TTC6: variants seen among roughly 807,000 people sequenced by gnomAD.
TTC6 encodes the protein tetratricopeptide repeat protein 6.
In TTC6, 172 loss-of-function variants were observed where a neutral mutation model predicts 210.4. The observed-to-expected ratio is 0.82, with a 90% CI of 0.72 to 0.93. The LOEUF (loss-of-function observed/expected upper bound fraction) is 0.93, where lower values mean the gene tolerates loss of function less well. Ranked by LOEUF, TTC6 falls within the 40% of genes least tolerant of loss-of-function variation. The pLI is 0.00. For missense variants in TTC6, 2,414 were observed against 2,318.1 expected (o/e 1.04, Z -0.85); for synonymous variants, 804 against 819.6 (o/e 0.98, Z 0.32).
At chr14:37,748,946 T>A in exon 11 of TTC6, 1 of 1,476,586 alleles carries the variant, frequency 6.8e-7, no homozygotes. Context: ...TAGATCAGCA[T>A]CTCATGGAAT....
intron 14 of TTC6, among the ~76,000 whole-genome samples, chr14:37,760,100 G>C (rs2095979597): frequency 6.6e-6 from 1 of 152,168 alleles, no homozygotes. Context: ...GGAATTTTCA[G>C]CTTTTTTGCA....
At chr14:37,749,112 G>A (rs1402988245) in exon 11 of TTC6, 4 of 1,535,578 alleles carry the variant, frequency 2.6e-6, no homozygotes, top group Non-Finnish European at 3.5e-6. Flanking sequence ...GCTCTTGATA[G>A]GCTCATTGAG....
intron 14 of TTC6, among the ~76,000 whole-genome samples, chr14:37,756,851 A>T (rs980211490): frequency 5.9e-5 from 9 of 152,124 alleles, no homozygotes; most frequent in Non-Finnish European, 1.0e-4. Flanking sequence ...TATCAGCATG[A>T]TACTGTCCTC....
intron 5 of TTC6, among the ~76,000 whole-genome samples, chr14:37,706,621 A>C (rs2138711556): frequency 6.6e-6 from 1 of 152,234 alleles, no homozygotes; most frequent in African/African-American, 2.4e-5. Context: ...ATAAAGAATG[A>C]GGTAGAATTT....
chr14:37,751,243 T>C lies in TTC6; in HGVS notation c.3129+18T>C, dbSNP rs2095951023. ...TTTCGAAAGTAAGCTTTATCACATA[T>C]AATTCTACCATTTATATAGTTTAGA... On this transcript the variant is annotated intron_variant, in intron 13 of 30. Coordinates refer to ENST00000553443, the Ensembl canonical transcript of TTC6. 1.3e-6 allele frequency: 2 copies of C among 1,507,520 alleles called. No homozygotes were observed. Among genetic ancestry groups the C allele is most frequent in the Admixed American group, 2.1e-5 (1 of 48,056 alleles). 93.4% of individuals were successfully genotyped at this position (1,507,520 alleles called of 1,614,324 possible).
At chr14:37,807,285 A>G in intron 22 of TTC6, 35 bp from the exon 25 acceptor site, 2 of 1,449,556 alleles carry the variant, frequency 1.4e-6, no homozygotes, top group Non-Finnish European at 1.8e-6. Flanking sequence ...TTACTAAAGC[A>G]TCCATTCCTG....
intron 14 of TTC6, among the ~76,000 whole-genome samples, chr14:37,766,262 T>C (rs1408541284): frequency 6.6e-6 from 1 of 152,188 alleles, no homozygotes; most frequent in Admixed American, 6.5e-5. Context: ...ATTTATGATA[T>C]AGGTAAATTT....
chr14:37,657,061 A>G (rs2095725088), intron 1 of TTC6, among the ~76,000 whole-genome samples: 2 of 151,952 alleles, frequency 1.3e-5, no homozygotes, highest in South Asian at 4.2e-4. Context: ...AATACTAAAA[A>G]ATTAGCCAGG....
chr14:37,826,835 G>T (rs1350151744), intron 28 of TTC6, among the ~76,000 whole-genome samples: 1 of 152,052 alleles, frequency 6.6e-6, no homozygotes, highest in Non-Finnish European at 1.5e-5. Flanking sequence ...AAAAAGGAAA[G>T]AACTGAAAGA....
At position 37,737,647 on chromosome 14, in the gene TTC6, G is replaced by A. The variant is rs1178897609; in HGVS notation, c.1909-13G>A. On this transcript the variant is annotated splice_polypyrimidine_tract_variant and intron_variant, in intron 8 of 30. Coordinates refer to ENST00000553443, the Ensembl canonical transcript of TTC6. The stretch of plus-strand genomic sequence containing the variant: ...TGTGACTAATGTATATTTTTCATTT[G>A]ATTATTTCACAGTGTTTCTTACCAA... The A allele has an allele frequency of 1.4e-6, 2 of 1,471,188 alleles. No individual in the cohort carries two copies. The highest frequency in any genetic ancestry group is 1.4e-5 in the African/African-American group (1 of 71,498). The allele number at this position is 1,471,188 out of a possible 1,614,324, so 91.1% of individuals were successfully genotyped here.
At chr14:37,647,829 G>T (rs2095704367) in intron 1 of TTC6, among the ~76,000 whole-genome samples, 1 of 152,058 alleles carries the variant, frequency 6.6e-6, no homozygotes, top group African/African-American at 2.4e-5. Flanking sequence ...GCAGAGAGAA[G>T]TGGAATTAAT....
intron 1 of TTC6, among the ~76,000 whole-genome samples, chr14:37,651,427 T>A (rs11622872): frequency 0.025 from 524 of 21,088 alleles, no homozygotes; most frequent in South Asian, 0.045. Context: ...ATATATATAT[T>A]TTTTTTTTTT....
Position 37,651,435 on chromosome 14 carries a change from TTTTTTTTTTTTTTTTTTTC to T in TTC6, c.939+28433_939+28451del, listed in dbSNP as rs1566864747. ...TATATATATATATATATTTTTTTTT[TTTTTTTTTTTTTTTTTTTC>T]CATCCATGATTCATTTTTGGGTCAT... On this transcript the variant is annotated intron_variant, in intron 1 of 30. Transcript: ENST00000553443. Among the ~76,000 whole-genome samples the T allele has an allele frequency of 1.2e-3, 52 of 43,372 alleles. 1 individual carries two copies. The highest frequency in any genetic ancestry group is 4.0e-3 in the African/African-American group (34 of 8,568). 28.5% of individuals were successfully genotyped at this position (43,372 alleles called of 152,430 possible).
chr14:37,739,276 C>A, intron 10 of TTC6, 121 bp downstream of exon 12: 1 of 1,028,328 alleles, frequency 9.7e-7, no homozygotes, highest in East Asian at 2.9e-5. Context: ...ACCTTTCACT[C>A]TTTGAAAGAC....
intron 2 of TTC6, among the ~76,000 whole-genome samples, chr14:37,614,373 C>T (rs770639276): frequency 6.6e-6 from 1 of 152,120 alleles, no homozygotes; most frequent in Non-Finnish European, 1.5e-5. Context: ...TTCCTTTACC[C>T]ACACCTATCC....
rs71127249 is a variant in TTC6 at position 37,840,869 on chromosome 14, A to ATT, written c.5299-560_5299-559dup. On this transcript the variant is annotated intron_variant, in intron 29 of 30. Coordinates refer to ENST00000553443, the Ensembl canonical transcript of TTC6. ...ATTTGGGGTAAGAGGCAGTGGGAGG[A>ATT]TTTTTTTTTTTTTTTTTGAGATGGA... Among the ~76,000 whole-genome samples the ATT allele has an allele frequency of 4.4e-3, 599 of 137,604 alleles. 4 individuals are homozygous for ATT. The highest frequency in any genetic ancestry group is 0.015 in the Middle Eastern group (4 of 272). 90.3% of individuals were successfully genotyped at this position (137,604 alleles called of 152,430 possible).
At chr14:37,679,670 CAT>C (rs1315494164) in intron 1 of TTC6, among the ~76,000 whole-genome samples, 1 of 151,570 alleles carries the variant, frequency 6.6e-6, no homozygotes, top group Non-Finnish European at 1.5e-5. Context: ...AAATTGAAAA[CAT>C]AGGCAAAAAA....
At chr14:37,772,947 C>G (rs1288393979) in intron 14 of TTC6, among the ~76,000 whole-genome samples, 2 of 152,136 alleles carry the variant, frequency 1.3e-5, no homozygotes, top group Non-Finnish European at 2.9e-5. Flanking sequence ...GCCATTCTGA[C>G]TGGTGTGAAA....
At chr14:37,781,487 T>A (rs1215912481) in intron 14 of TTC6, among the ~76,000 whole-genome samples, 1 of 152,240 alleles carries the variant, frequency 6.6e-6, no homozygotes, top group African/African-American at 2.4e-5. Context: ...GATTTTTCCT[T>A]GTAAATTTGT....
Sources: allele counts gnomAD v4.1 joint callset (sites outside exome capture counted in the v4.1 genomes callset), GRCh38; gene constraint gnomAD v4.1.1; transcripts MANE v1.5; gene names NCBI Gene and HGNC (gene_info 2026-07-23, HGNC 2026-07-21).